Variants in CRADD observed in about 807,000 individuals in gnomAD.
CRADD encodes CARD and death domain containing adaptor protein, also known as death domain-containing protein CRADD.
Under a neutral mutation model 15.5 loss-of-function variants are expected in CRADD, and 9 were observed. The ratio of observed to expected loss-of-function variants is 0.58; its 90% confidence interval spans 0.35 to 1.01. The LOEUF is 1.01. Ranked by LOEUF, CRADD falls within the 50% of genes least tolerant of loss-of-function variation. The pLI is 0.02. For missense variants in CRADD, 227 were observed against 250.3 expected, an observed-to-expected ratio of 0.91 and a Z score of 0.63; for synonymous variants, 118 against 107.6, an observed-to-expected ratio of 1.10 and a Z score of -0.60.
chr12:93,787,956 T>C (rs1037520196), intron 2 of CRADD, among the ~76,000 whole-genome samples: 2 of 152,158 alleles, frequency 1.3e-5, no homozygotes, highest in Non-Finnish European at 1.5e-5. Flanking sequence ...AATAGTAGTG[T>C]TGGTAATTAT....
At chr12:93,773,813 GTTT>G (rs3030268) in intron 2 of CRADD, among the ~76,000 whole-genome samples, 1 of 87,546 alleles carries the variant, frequency 1.1e-5, no homozygotes, top group Non-Finnish European at 2.0e-5. Flanking sequence ...TACTTTGTGA[GTTT>G]TTTTTTTTTT....
chr12:93,700,364 A>T (rs1487708592), intron 2 of CRADD, among the ~76,000 whole-genome samples: 1 of 152,206 alleles, frequency 6.6e-6, no homozygotes, highest in Admixed American at 6.5e-5. Context: ...ACACCATTCC[A>T]GCATCCATTG....
chr12:93,868,088 A>G (rs1406822807), intron 2 of CRADD, among the ~76,000 whole-genome samples: 1 of 152,240 alleles, frequency 6.6e-6, no homozygotes, highest in Non-Finnish European at 1.5e-5. Context: ...CTTATTAAGT[A>G]GTAATTGGTA....
At chr12:93,758,171 AC>A (rs1956912171) in intron 2 of CRADD, among the ~76,000 whole-genome samples, 3 of 152,352 alleles carry the variant, frequency 2.0e-5, no homozygotes, top group East Asian at 3.9e-4. Context: ...AAGGTATGTT[AC>A]CATATATAGA....
chr12:93,884,766 C>T (rs1009536906), intron 2 of CRADD, among the ~76,000 whole-genome samples: 6 of 152,162 alleles, frequency 3.9e-5, no homozygotes, highest in Non-Finnish European at 7.3e-5. Context: ...CTGGTTTTAG[C>T]TGAACTAAGG....
chr12:93,844,372 G>C (rs898737531), intron 2 of CRADD, among the ~76,000 whole-genome samples: 2 of 152,172 alleles, frequency 1.3e-5, no homozygotes, highest in African/African-American at 4.8e-5. Context: ...TGAGGATACT[G>C]TCCCTGATAG....
intron 2 of CRADD, among the ~76,000 whole-genome samples, chr12:93,779,622 C>G (rs1188050030): frequency 1.4e-5 from 2 of 144,326 alleles, no homozygotes; most frequent in Non-Finnish European, 3.0e-5. Context: ...CAGAGTCTCA[C>G]TCTGTCACCC....
intron 2 of CRADD, among the ~76,000 whole-genome samples, chr12:93,841,989 G>A (rs763398797): frequency 2.0e-5 from 3 of 152,204 alleles, no homozygotes; most frequent in African/African-American, 4.8e-5. Flanking sequence ...CCCAGTCACC[G>A]TCGTAAATAA....
At chr12:93,873,207 A>G (rs991617106) in intron 2 of CRADD, among the ~76,000 whole-genome samples, 2 of 151,162 alleles carry the variant, frequency 1.3e-5, no homozygotes, top group Non-Finnish European at 3.0e-5. Context: ...TCTTCTTCAG[A>G]TTGCTAACTG....
rs114087225 is a variant in CRADD at position 93,681,638 on chromosome 12, C to T, written c.298+2566C>T. Reference sequence around the variant, plus strand: ...GGAGAATAATGGTACAGCGAACACCCGTCTCCTCATCACTCAGTTTAAGAA... The same window carrying T: ...GGAGAATAATGGTACAGCGAACACCTGTCTCCTCATCACTCAGTTTAAGAA... On this transcript the variant is annotated intron_variant, in intron 2 of 2. Transcript: ENST00000332896. Among the ~76,000 whole-genome samples the T allele has an allele frequency of 7.8e-3, 1,180 of 152,114 alleles. 14 individuals carry two copies. The highest frequency in any genetic ancestry group is 0.026 in the African/African-American group (1,072 of 41,472).
chr12:93,850,110 C>T lies in CRADD; in HGVS notation c.439C>T (p.Arg147Cys), dbSNP rs138134122. Residue 147 changes from arginine (R) to cysteine (C), a missense_variant, in exon 3 of 3, where the codon CGC becomes TGC. Physicochemically the swap from Arg to Cys is radical, Grantham distance 180 (BLOSUM62 -3). Coordinates refer to ENST00000332896, the MANE Select transcript of CRADD (RefSeq NM_003805.5). This position sits in a 1 kb window ranked among gnomAD's most constrained non-coding sequence, Gnocchi z 4.0. Reference protein sequence around the residue: ...SLGLSQTDIYRCKANHPHNVQ... With the variant: ...SLGLSQTDIYCCKANHPHNVQ... ...GGGACTGTCCCAGACGGATATCTAC[C>T]GCTGTAAGGCCAACCACCCCCACAA... is the stretch of plus-strand genomic sequence containing the variant. 45 of 1,613,960 alleles carry T rather than the reference C, an allele frequency of 2.8e-5. No individual in the cohort carries two copies. Among genetic ancestry groups the T allele is most frequent in the East Asian group, 4.5e-5 (2 of 44,896 alleles).
intron 2 of CRADD, among the ~76,000 whole-genome samples, chr12:93,805,245 G>A (rs372200219): frequency 6.6e-5 from 10 of 151,632 alleles, no homozygotes; most frequent in African/African-American, 2.2e-4. Context: ...ACAGATTTCA[G>A]CCTTACACCG....
At chr12:93,747,687 C>T (rs902939907) in intron 2 of CRADD, among the ~76,000 whole-genome samples, 3 of 152,104 alleles carry the variant, frequency 2.0e-5, no homozygotes, top group Admixed American at 1.3e-4. Context: ...AGGCTGGTCT[C>T]GAACTCCTGA....
chr12:93,680,322 G>A (rs1216250230), intron 2 of CRADD, among the ~76,000 whole-genome samples: 1 of 152,168 alleles, frequency 6.6e-6, no homozygotes, highest in African/African-American at 2.4e-5. Flanking sequence ...AGACTTCGTG[G>A]TTGCTATTTT....
At chr12:93,865,883 G>A (rs1369926040) in intron 2 of CRADD, among the ~76,000 whole-genome samples, 1 of 152,158 alleles carries the variant, frequency 6.6e-6, no homozygotes, top group Non-Finnish European at 1.5e-5. Context: ...GGAACCCACA[G>A]ATGTTTGAGA....
intron 2 of CRADD, among the ~76,000 whole-genome samples, chr12:93,689,223 C>T (rs890200129): frequency 1.3e-5 from 2 of 152,180 alleles, no homozygotes; most frequent in Non-Finnish European, 2.9e-5. Context: ...GCCCTCAGTT[C>T]CAATAACCAG....
intron 2 of CRADD, among the ~76,000 whole-genome samples, chr12:93,699,488 T>G (rs530266678): frequency 6.6e-6 from 1 of 152,382 alleles, no homozygotes; most frequent in East Asian, 1.9e-4. Flanking sequence ...ATTTGAATAC[T>G]AACCACAGAA....
chr12:93,716,181 A>G (rs1348056866), intron 2 of CRADD, among the ~76,000 whole-genome samples: 1 of 151,780 alleles, frequency 6.6e-6, no homozygotes, highest in Admixed American at 6.6e-5. Flanking sequence ...ATTTTTGAAG[A>G]TGGTCTTATA....
intron 2 of CRADD, among the ~76,000 whole-genome samples, chr12:93,882,956 A>C (rs550052906): frequency 6.6e-6 from 1 of 152,200 alleles, no homozygotes; most frequent in Non-Finnish European, 1.5e-5. Flanking sequence ...TGGAATTAAC[A>C]TCTGACTGTC....
Sources: gnomAD v4.1 joint callset for allele counts (sites outside exome capture counted in the v4.1 genomes callset) on GRCh38, gnomAD v4.1.1 for gene constraint, Gnocchi (gnomAD v3.1) non-coding constraint, MANE v1.5 for transcripts, NCBI Gene and HGNC (gene_info 2026-07-23, HGNC 2026-07-21) for gene names.